The following GRM8 variants were observed in gnomAD, a reference collection of about 807,000 sequenced individuals.
The protein encoded by GRM8 is metabotropic glutamate receptor 8.
Under a neutral mutation model 87.2 loss-of-function variants are expected in GRM8, and 47 were observed. That is an observed-to-expected ratio of 0.54 (90% CI 0.43 to 0.69). GRM8 has a LOEUF of 0.69. GRM8 is among the 30% of genes least tolerant of loss of function. The pLI, the probability that GRM8 is intolerant of heterozygous loss-of-function variation, is 0.00. For synonymous variants in GRM8, 396 were observed against 404.5 expected, an observed-to-expected ratio of 0.98 and a Z score of 0.25; for missense variants, 1,019 against 1,139.2, an observed-to-expected ratio of 0.89 and a Z score of 1.52.
At chr7:126,570,329 A>C (rs1419496) in intron 8 of GRM8, among the ~76,000 whole-genome samples, 21 of 152,138 alleles carry the variant, frequency 1.4e-4, no homozygotes, top group South Asian at 8.3e-4. Context: ...ATCCTTGCAT[A>C]AGTGAGCATG....
intron 6 of GRM8, among the ~76,000 whole-genome samples, chr7:126,833,638 A>C (rs148129370): frequency 1.2e-4 from 18 of 152,282 alleles, no homozygotes; most frequent in African/African-American, 4.3e-4. Flanking sequence ...TCTTATAAGC[A>C]CACTAATCCC....
chr7:127,003,412 A>T (rs1227763178), intron 3 of GRM8, among the ~76,000 whole-genome samples: 1 of 151,774 alleles, frequency 6.6e-6, no homozygotes, highest in African/African-American at 2.4e-5. Context: ...TCTTCTGAGA[A>T]AAAGTGTGAA....
chr7:126,490,792 T>A (rs559849090), intron 9 of GRM8, among the ~76,000 whole-genome samples: 43 of 152,118 alleles, frequency 2.8e-4, no homozygotes, highest in Non-Finnish European at 5.3e-4. Context: ...CCGTCTTTTA[T>A]GCAGCTTACA....
At chr7:126,684,288 C>T (rs1807930935) in intron 7 of GRM8, among the ~76,000 whole-genome samples, 1 of 152,150 alleles carries the variant, frequency 6.6e-6, no homozygotes, top group Non-Finnish European at 1.5e-5. Context: ...GGTCCAAGGA[C>T]TCAGCTTCAG....
chr7:126,933,022 A>T (rs1013146499), intron 3 of GRM8, among the ~76,000 whole-genome samples: 7 of 152,210 alleles, frequency 4.6e-5, no homozygotes, highest in African/African-American at 1.7e-4. Flanking sequence ...AGGAAAGGCT[A>T]AAACCAGAAT....
chr7:126,813,692 T>A (rs1793509874), intron 6 of GRM8, among the ~76,000 whole-genome samples: 1 of 152,048 alleles, frequency 6.6e-6, no homozygotes, highest in African/African-American at 2.4e-5. Context: ...TCAGATAGGT[T>A]TTGTCCAATT....
intron 9 of GRM8, among the ~76,000 whole-genome samples, chr7:126,457,633 G>A (rs1803405044): frequency 6.6e-6 from 1 of 151,288 alleles, no homozygotes; most frequent in Admixed American, 6.6e-5. Context: ...ATGGAAATTA[G>A]CAAATATTTT....
intron 8 of GRM8, among the ~76,000 whole-genome samples, chr7:126,589,229 A>C (rs895354035): frequency 2.0e-5 from 3 of 152,150 alleles, no homozygotes; most frequent in Non-Finnish European, 2.9e-5. Context: ...AGCCTGGGGC[A>C]AGTTCTTAGC....
intron 9 of GRM8, among the ~76,000 whole-genome samples, chr7:126,523,913 A>T (rs976888311): frequency 6.6e-6 from 1 of 152,322 alleles, no homozygotes; most frequent in Non-Finnish European, 1.5e-5. Flanking sequence ...CATTACTTAC[A>T]TTAGTAGATA....
intron 3 of GRM8, among the ~76,000 whole-genome samples, chr7:127,064,821 C>T (rs760375482): frequency 1.3e-5 from 2 of 152,046 alleles, no homozygotes; most frequent in Admixed American, 1.3e-4. Context: ...AGTGAGATAC[C>T]ATCTCATACC....
At chr7:126,950,687 C>T (rs1586571756) in intron 3 of GRM8, among the ~76,000 whole-genome samples, 1 of 152,126 alleles carries the variant, frequency 6.6e-6, no homozygotes, top group African/African-American at 2.4e-5. Context: ...CCATGCTAAG[C>T]ATTTCCCATG....
chr7:126,856,305 G>A (rs1457106679), intron 6 of GRM8, among the ~76,000 whole-genome samples: 1 of 151,984 alleles, frequency 6.6e-6, no homozygotes, highest in East Asian at 1.9e-4. Context: ...GATATCTGCA[G>A]GGAATGCTTA....
chr7:126,606,648 C>A (rs952253238), intron 8 of GRM8, among the ~76,000 whole-genome samples: 1 of 152,162 alleles, frequency 6.6e-6, no homozygotes, highest in Non-Finnish European at 1.5e-5. Context: ...CCTCTCTCCA[C>A]AGTGCAATTT....
intron 8 of GRM8, among the ~76,000 whole-genome samples, chr7:126,576,614 T>G (rs1279064257): frequency 6.6e-6 from 1 of 152,160 alleles, no homozygotes; most frequent in African/African-American, 2.4e-5. Flanking sequence ...TACTTGCAAC[T>G]ATCCTTAAAT....
chr7:126,543,718 T>G (rs556078607), intron 8 of GRM8, among the ~76,000 whole-genome samples: 1 of 152,236 alleles, frequency 6.6e-6, no homozygotes, highest in African/African-American at 2.4e-5. Context: ...GTCATGAATA[T>G]TTATGAGAGA....
intron 9 of GRM8, among the ~76,000 whole-genome samples, chr7:126,526,509 T>C (rs1347853737): frequency 6.6e-6 from 1 of 152,196 alleles, no homozygotes; most frequent in Non-Finnish European, 1.5e-5. Context: ...GTAAACTCAA[T>C]TTCAATTGAA....
chr7:126,598,848 T>C (rs1027447612), intron 8 of GRM8, among the ~76,000 whole-genome samples: 10 of 152,100 alleles, frequency 6.6e-5, no homozygotes, highest in African/African-American at 1.2e-4. Flanking sequence ...TGAGGTCTTA[T>C]AGAATTTAAG....
At chr7:126,871,528 A>T (rs527307280) in intron 6 of GRM8, among the ~76,000 whole-genome samples, 1 of 152,330 alleles carries the variant, frequency 6.6e-6, no homozygotes, top group African/African-American at 2.4e-5. Flanking sequence ...GCACTGGTTC[A>T]GGGAACAAGG....
intron 6 of GRM8, among the ~76,000 whole-genome samples, chr7:126,806,254 T>A (rs1205115524): frequency 6.6e-6 from 1 of 152,006 alleles, no homozygotes. Flanking sequence ...CTACAGCTCT[T>A]AAAGGCGGCG....
Sources: gnomAD v4.1 joint callset for allele counts (sites outside exome capture counted in the v4.1 genomes callset) on GRCh38, gnomAD v4.1.1 for gene constraint, MANE v1.5 for transcripts, NCBI Gene and HGNC (gene_info 2026-07-23, HGNC 2026-07-21) for gene names.